Variants in RASGRP1 observed in about 807,000 individuals in gnomAD.
RASGRP1 encodes the protein RAS guanyl-releasing protein 1.
Under a neutral mutation model 95.1 loss-of-function variants are expected in RASGRP1, and 37 were observed. That is an observed-to-expected ratio of 0.39 (90% CI 0.30 to 0.51). The LOEUF is 0.51. Ranked by LOEUF, RASGRP1 falls within the 20% of genes least tolerant of loss-of-function variation. The probability of loss-of-function intolerance (pLI) is 0.80; values close to 1 mark genes in which losing one functional copy is unlikely to be tolerated. For missense variants in RASGRP1, 711 were observed against 965.4 expected (o/e 0.74, Z 3.49); for synonymous variants, 325 against 353.4 (o/e 0.92, Z 0.90).
chr15:38,547,195 CT>C, intron 2 of RASGRP1, among the ~76,000 whole-genome samples: 1 of 152,192 alleles, frequency 6.6e-6, no homozygotes, highest in African/African-American at 2.4e-5. Context: ...ATTTGCCCAT[CT>C]AACATTTACT....
chr15:38,546,759 T>C (rs1893121875), intron 2 of RASGRP1, among the ~76,000 whole-genome samples: 1 of 152,192 alleles, frequency 6.6e-6, no homozygotes, highest in African/African-American at 2.4e-5. Flanking sequence ...TTTTAACTTT[T>C]GGAAAGTTAA....
At chr15:38,492,093 G>A (rs1011491715) in intron 16 of RASGRP1, among the ~76,000 whole-genome samples, 1 of 152,144 alleles carries the variant, frequency 6.6e-6, no homozygotes, top group Non-Finnish European at 1.5e-5. Context: ...ATTCTACCGA[G>A]TTCATTTTTC....
At chr15:38,505,758 G>C in intron 10 of RASGRP1, 82 bp downstream of exon 10, 3 of 1,112,706 alleles carry the variant, frequency 2.7e-6, no homozygotes, top group Non-Finnish European at 4.0e-6. Flanking sequence ...TGAACTGAAA[G>C]TCTGTTCCTG....
chr15:38,503,877 G>C (rs1306765477), intron 10 of RASGRP1: 6 of 185,940 alleles, frequency 3.2e-5, no homozygotes, highest in Non-Finnish European at 6.6e-5. Context: ...GTGTCATGAG[G>C]TGATTTTGTC....
intron 2 of RASGRP1, among the ~76,000 whole-genome samples, chr15:38,531,301 C>G (rs1892427248): frequency 6.6e-6 from 1 of 152,226 alleles, no homozygotes; most frequent in African/African-American, 2.4e-5. Context: ...TCTCTTTCCA[C>G]TATACCTGGC....
chr15:38,512,978 C>A (rs1022800716), intron 6 of RASGRP1, 22 bp from the exon 7 acceptor site: 27 of 1,482,586 alleles, frequency 1.8e-5, no homozygotes, highest in Admixed American at 1.6e-4. Flanking sequence ...GAAACAACAA[C>A]AACAAAAAAA....
intron 1 of RASGRP1, among the ~76,000 whole-genome samples, chr15:38,561,174 A>G (rs932809850): frequency 6.6e-5 from 10 of 152,268 alleles, no homozygotes; most frequent in Non-Finnish European, 1.3e-4. Context: ...TATATGATAA[A>G]TGCATAATGG....
chr15:38,525,555 T>C (rs868013398), intron 3 of RASGRP1, among the ~76,000 whole-genome samples: 1 of 152,146 alleles, frequency 6.6e-6, no homozygotes, highest in Non-Finnish European at 1.5e-5. Context: ...AGGGATTCAG[T>C]CCTGATGGTT....
chr15:38,564,770 G>T lies in RASGRP1; in HGVS notation c.-142C>A. 1 of 634,796 alleles carries T rather than the reference G, an allele frequency of 1.6e-6. No individual in the cohort carries two copies. Among genetic ancestry groups the T allele is most frequent in the Non-Finnish European group, 2.1e-6 (1 of 479,684 alleles). The allele number at this position is 634,796 out of a possible 1,614,324, so 39.3% of individuals were successfully genotyped here. On this transcript the variant is annotated 5_prime_UTR_variant, in exon 1 of 17. Coordinates refer to ENST00000310803, the MANE Select transcript of RASGRP1 (RefSeq NM_005739.4). ...GCGCCCGCCAGCCCTCGAGCCCGGC[G>T]AGCCCGACCGAGGTGCACCGCAGGC...
At chr15:38,528,156 T>C (rs558411276) in intron 2 of RASGRP1, among the ~76,000 whole-genome samples, 1 of 152,124 alleles carries the variant, frequency 6.6e-6, no homozygotes, top group East Asian at 1.9e-4. Context: ...TGATCCTGCA[T>C]TTGTCCATTT....
intron 2 of RASGRP1, among the ~76,000 whole-genome samples, chr15:38,547,992 G>A (rs76706882): frequency 6.9e-6 from 1 of 144,376 alleles, no homozygotes; most frequent in Non-Finnish European, 1.5e-5. Context: ...TTTTTTTTTG[G>A]TCTTTTTGGA....
intron 6 of RASGRP1, 49 bp from the exon 7 acceptor site, chr15:38,513,005 C>A: frequency 7.0e-7 from 1 of 1,419,554 alleles, no homozygotes; most frequent in Non-Finnish European, 9.3e-7. Flanking sequence ...CAGTACTGTA[C>A]TCTGGTATTC....
At chr15:38,551,102 T>A (rs376945530) in intron 2 of RASGRP1, among the ~76,000 whole-genome samples, 1 of 152,214 alleles carries the variant, frequency 6.6e-6, no homozygotes. Context: ...TGCTAGTGGT[T>A]GATCTTATGT....
Position 38,494,693 on chromosome 15 carries a change from T to C in RASGRP1, c.1948A>G (p.Ile650Val), listed in dbSNP as rs771027287. 2.6e-6 allele frequency: 4 copies of C among 1,530,414 alleles called. No homozygotes were observed. In the African/African-American group the frequency reaches 5.6e-5, roughly 21 times the overall value. 94.8% of individuals were successfully genotyped at this position (1,530,414 alleles called of 1,614,324 possible). A position where few individuals can be genotyped will look rare whatever the true frequency, so the allele number is the denominator to read the frequency against. Residue 650 changes from isoleucine to valine, a missense_variant, in exon 16 of 17, where the codon ATC (isoleucine) becomes GTC (valine). Coordinates refer to ENST00000310803, the MANE Select transcript of RASGRP1 (RefSeq NM_005739.4). ...TGTGAGGACACTCCCATCAGCATGATGGTCCGATCCTTACTCTCCTCACCA... is the reference window on the plus strand; with the variant it reads ...TGTGAGGACACTCCCATCAGCATGACGGTCCGATCCTTACTCTCCTCACCA... ...EHGEESKDRT[I>V]MLMGVSSQKI...
intron 2 of RASGRP1, among the ~76,000 whole-genome samples, chr15:38,551,583 T>C (rs929752316): frequency 6.6e-6 from 1 of 152,136 alleles, no homozygotes; most frequent in Non-Finnish European, 1.5e-5. Flanking sequence ...AATTAAATCT[T>C]TGGAATAGGG....
intron 2 of RASGRP1, among the ~76,000 whole-genome samples, chr15:38,552,071 A>G (rs1893362831): frequency 1.3e-5 from 2 of 152,228 alleles, no homozygotes; most frequent in Non-Finnish European, 2.9e-5. Flanking sequence ...CTTAAGAGAT[A>G]TTTTAGAGGT....
chr15:38,563,857 G>A lies in RASGRP1; in HGVS notation c.35+737C>T, dbSNP rs548898172. On this transcript the variant is annotated intron_variant, in intron 1 of 16. Coordinates refer to ENST00000310803, the MANE Select transcript of RASGRP1 (RefSeq NM_005739.4). ...AGTCCCATCAGTGTCGATGTGAATGGAGTTGTGAAGTGCACAACTTGTCCA... is the reference window on the plus strand; with the variant it reads ...AGTCCCATCAGTGTCGATGTGAATGAAGTTGTGAAGTGCACAACTTGTCCA... 2.6e-5 allele frequency among the ~76,000 whole-genome samples: 4 copies of A among 152,342 alleles called. No individual in the cohort carries two copies. In the South Asian group the frequency reaches 8.3e-4, roughly 32 times the overall value.
intron 3 of RASGRP1, among the ~76,000 whole-genome samples, chr15:38,522,923 C>A (rs1212619950): frequency 1.3e-5 from 2 of 152,096 alleles, no homozygotes; most frequent in Admixed American, 6.6e-5. Flanking sequence ...AGGGTAGCTA[C>A]CATGAGACGG....
chr15:38,514,484 C>T (rs1211347986), intron 6 of RASGRP1, among the ~76,000 whole-genome samples: 1 of 152,038 alleles, frequency 6.6e-6, no homozygotes, highest in Non-Finnish European at 1.5e-5. Flanking sequence ...ATCCTCACTA[C>T]CCCTAAAGTT....
Sources: allele counts gnomAD v4.1 joint callset (sites outside exome capture counted in the v4.1 genomes callset), GRCh38; gene constraint gnomAD v4.1.1; transcripts MANE v1.5; gene names NCBI Gene and HGNC (gene_info 2026-07-23, HGNC 2026-07-21).